CDYL: variants seen among roughly 807,000 people sequenced by gnomAD.
CDYL encodes the protein chromodomain Y-like protein.
A neutral mutation model predicts 47.3 loss-of-function variants in CDYL; 8 were observed. The ratio of observed to expected loss-of-function variants is 0.17; its 90% CI spans 0.10 to 0.31. The LOEUF is 0.31. CDYL is among the 10% of genes least tolerant of loss of function. CDYL has a pLI of 1.00. For synonymous variants in CDYL, 266 were observed against 265.0 expected, an observed-to-expected ratio of 1.00 and a Z score of -0.04; for missense variants, 471 against 701.4, an observed-to-expected ratio of 0.67 and a Z score of 3.71.
At chr6:4,951,453 T>C (rs1758702235) in intron 5 of CDYL, among the ~76,000 whole-genome samples, 1 of 152,112 alleles carries the variant, frequency 6.6e-6, no homozygotes, top group Admixed American at 6.5e-5. Flanking sequence ...TAGTTCAGTG[T>C]CATGTATTAA....
At chr6:4,742,423 A>G (rs1025280599) in intron 3 of CDYL, among the ~76,000 whole-genome samples, 2 of 151,792 alleles carry the variant, frequency 1.3e-5, no homozygotes, top group Admixed American at 6.6e-5. Flanking sequence ...GTATTGGTCC[A>G]TAGCAATGAT....
chr6:4,876,230 T>A (rs1306200932), intron 1 of CDYL, among the ~76,000 whole-genome samples: 1 of 152,198 alleles, frequency 6.6e-6, no homozygotes, highest in East Asian at 1.9e-4. Flanking sequence ...TATACCACAG[T>A]TTGGTCAGTC....
At chr6:4,817,346 T>A (rs1186229034) in intron 1 of CDYL, among the ~76,000 whole-genome samples, 1 of 147,978 alleles carries the variant, frequency 6.8e-6, no homozygotes, top group Non-Finnish European at 1.5e-5. Flanking sequence ...CTTTCCTTTT[T>A]AAGAGAATTA....
At chr6:4,937,390 G>T (rs972266611) in intron 3 of CDYL, among the ~76,000 whole-genome samples, 175 bp from the exon 4 acceptor site, 2 of 152,206 alleles carry the variant, frequency 1.3e-5, no homozygotes, top group Non-Finnish European at 2.9e-5. Context: ...CAGCTACTTA[G>T]GAGGCGGAGG....
chr6:4,786,605 G>T (rs962272922), intron 1 of CDYL, among the ~76,000 whole-genome samples: 4 of 152,196 alleles, frequency 2.6e-5, no homozygotes, highest in Admixed American at 1.3e-4. Context: ...ACTGCTAGGG[G>T]TTCAAGAGAA....
At chr6:4,789,779 C>G (rs1758868637) in intron 1 of CDYL, among the ~76,000 whole-genome samples, 2 of 152,340 alleles carry the variant, frequency 1.3e-5, no homozygotes, top group South Asian at 4.1e-4. Flanking sequence ...ACTCTTCTCA[C>G]CTGCCCCTGG....
upstream of CDYL, chr6:4,775,304 G>A (rs1166573047): frequency 6.6e-6 from 1 of 152,508 alleles, no homozygotes; most frequent in Non-Finnish European, 1.5e-5. This position sits in a 1 kb window ranked among gnomAD's most constrained non-coding sequence, Gnocchi z 7.0. Context: ...GCGGCTGTCT[G>A]GGGGAGTTGG....
At chr6:4,941,301 C>T (rs975027587) in intron 4 of CDYL, among the ~76,000 whole-genome samples, 1 of 152,252 alleles carries the variant, frequency 6.6e-6, no homozygotes, top group Non-Finnish European at 1.5e-5. Context: ...CCTGCCTCGC[C>T]TCTGGTTCCT....
In CDYL at chr6:4,902,374, CCA is replaced by C. The variant is rs576457673; in HGVS notation, c.691+9996_691+9997del. ...TGAGCCAAGATCGCACCATTGCACT[CCA>C]GTCTGGGCAACGAGTGAAGCTCCAT... On this transcript the variant is annotated intron_variant, in intron 2 of 6. Coordinates refer to ENST00000397588, the MANE Select transcript of CDYL (RefSeq NM_004824.4). Among the ~76,000 whole-genome samples, 22 of 151,078 alleles carry C rather than the reference CCA, an allele frequency of 1.5e-4. No individual in the cohort carries two copies. The East Asian group carries it at 4.3e-3, about 30-fold the overall frequency.
At chr6:4,788,480 C>CCAAAAAAAAAAAA (rs1758820985) in intron 1 of CDYL, among the ~76,000 whole-genome samples, 9 of 61,062 alleles carry the variant, frequency 1.5e-4, no homozygotes, top group African/African-American at 5.9e-4. Context: ...GAGACTCTGT[C>CCAAAAAAAAAAAA]AAAAAAAAAA....
intron 1 of CDYL, among the ~76,000 whole-genome samples, chr6:4,804,593 A>G (rs932647940): frequency 6.6e-6 from 1 of 151,538 alleles, no homozygotes; most frequent in African/African-American, 2.4e-5. Flanking sequence ...TTTGCTCATC[A>G]CTCTCGCCCC....
At chr6:4,728,930 T>TAC (rs1561827663) in intron 2 of CDYL, among the ~76,000 whole-genome samples, 34 of 152,256 alleles carry the variant, frequency 2.2e-4, no homozygotes, top group African/African-American at 7.0e-4. Flanking sequence ...CATACCAGGG[T>TAC]GTACCCAGGC....
intron 2 of CDYL, among the ~76,000 whole-genome samples, chr6:4,909,529 T>C (rs1757342286): frequency 6.6e-6 from 1 of 152,200 alleles, no homozygotes; most frequent in Non-Finnish European, 1.5e-5. Context: ...TGCTTAAGGG[T>C]GTGTCTTCGC....
chr6:4,840,156 AT>A (rs772824930), intron 1 of CDYL, among the ~76,000 whole-genome samples: 3 of 147,860 alleles, frequency 2.0e-5, no homozygotes, highest in South Asian at 2.2e-4. Flanking sequence ...ACTCCTAAGC[AT>A]TTTTTTTTCA....
At chr6:4,811,968 C>T (rs959143783) in intron 1 of CDYL, among the ~76,000 whole-genome samples, 15 of 152,260 alleles carry the variant, frequency 9.9e-5, no homozygotes, top group African/African-American at 3.6e-4. Context: ...TGTGCCTTTG[C>T]TGTCTGCAGG....
At chr6:4,885,502 A>G (rs1761877452) in intron 1 of CDYL, among the ~76,000 whole-genome samples, 1 of 152,154 alleles carries the variant, frequency 6.6e-6, no homozygotes. Flanking sequence ...GGTTTCAGGC[A>G]TTGGCAGGGG....
chr6:4,818,025 G>A (rs1204609873), intron 1 of CDYL, among the ~76,000 whole-genome samples: 1 of 152,174 alleles, frequency 6.6e-6, no homozygotes, highest in African/African-American at 2.4e-5. Flanking sequence ...GGGAGGCTGA[G>A]GCGGGCAGAT....
intron 4 of CDYL, among the ~76,000 whole-genome samples, chr6:4,938,282 G>C (rs943897520): frequency 2.7e-5 from 4 of 150,432 alleles, no homozygotes; most frequent in African/African-American, 9.8e-5. Flanking sequence ...TTCTTGTTCA[G>C]TTTCATCCTA....
In CDYL at chr6:4,913,469, A is replaced by C. The variant is rs916107877; in HGVS notation, c.691+21090A>C. Among the ~76,000 whole-genome samples the C allele has an allele frequency of 2.6e-5, 4 of 152,254 alleles. 1 individual carries two copies. Among genetic ancestry groups the C allele is most frequent in the Admixed American group, 2.6e-4 (4 of 15,286 alleles). On this transcript the variant is annotated intron_variant, in intron 2 of 6. Transcript: ENST00000397588. ...AGAGAATGGTGGCTCGTAGTGTTTT[A>C]AAACTGTTTGAAAAGTGATTATAGG...
Sources: gnomAD v4.1 joint callset for allele counts (sites outside exome capture counted in the v4.1 genomes callset) on GRCh38, gnomAD v4.1.1 for gene constraint, Gnocchi (gnomAD v3.1) non-coding constraint, MANE v1.5 for transcripts, NCBI Gene and HGNC (gene_info 2026-07-23, HGNC 2026-07-21) for gene names.